Variants in HS6ST3 observed in about 807,000 individuals in gnomAD.
HS6ST3 encodes heparan sulfate 6-O-sulfotransferase 3.
HS6ST3 carries 12 observed loss-of-function variants against 36.7 expected under a neutral mutation model. That is an observed-to-expected ratio of 0.33 (90% confidence interval 0.21 to 0.53). The LOEUF is 0.53. Ranked by LOEUF, HS6ST3 falls within the 20% of genes least tolerant of loss-of-function variation. The probability of loss-of-function intolerance (pLI) is 0.95; values close to 1 mark genes in which losing one functional copy is unlikely to be tolerated. For synonymous variants in HS6ST3, 240 were observed against 257.5 expected (o/e 0.93, Z 0.65); for missense variants, 584 against 640.9 (o/e 0.91, Z 0.96).
chr13:96,808,712 T>C (rs2138533415), intron 1 of HS6ST3, among the ~76,000 whole-genome samples: 1 of 152,266 alleles, frequency 6.6e-6, no homozygotes, highest in South Asian at 2.1e-4. Flanking sequence ...AGTAGGTAAA[T>C]TCTTTGGAAA....
chr13:96,672,645 G>A (rs2056686358), intron 1 of HS6ST3, among the ~76,000 whole-genome samples: 2 of 152,148 alleles, frequency 1.3e-5, no homozygotes, highest in Middle Eastern at 3.4e-3. Context: ...TTTGATGGGG[G>A]CACATACTCC....
Position 96,596,462 on chromosome 13 carries a change from C to A in HS6ST3, c.708-236028C>A, listed in dbSNP as rs1213543603. ...CTTTTTGATATAATGACTTCTTTTT[C>A]TTTAGGTAGATACCCAGTAGTGGGA... On this transcript the variant is annotated intron_variant, in intron 1 of 1. Coordinates refer to ENST00000376705, the MANE Select transcript of HS6ST3 (RefSeq NM_153456.4). Among the ~76,000 whole-genome samples, 8 of 152,118 alleles carry A rather than the reference C, an allele frequency of 5.3e-5. No individual in the cohort carries two copies. The East Asian group carries it at 1.5e-3, about 29-fold the overall frequency.
intron 1 of HS6ST3, among the ~76,000 whole-genome samples, chr13:96,764,147 T>C (rs1877038766): frequency 6.6e-6 from 1 of 152,242 alleles, no homozygotes; most frequent in Non-Finnish European, 1.5e-5. Flanking sequence ...AAATAAAGCC[T>C]TTTCTATTGA....
At chr13:96,668,011 C>G (rs2138429044) in intron 1 of HS6ST3, among the ~76,000 whole-genome samples, 1 of 152,254 alleles carries the variant, frequency 6.6e-6, no homozygotes, top group South Asian at 2.1e-4. Flanking sequence ...TAACATTCAC[C>G]AAGTCCTTAC....
At chr13:96,686,911 A>G (rs1874796131) in intron 1 of HS6ST3, among the ~76,000 whole-genome samples, 1 of 152,044 alleles carries the variant, frequency 6.6e-6, no homozygotes, top group Non-Finnish European at 1.5e-5. Flanking sequence ...TGTGTACTCC[A>G]AAACATGTGA....
At chr13:96,600,054 A>G (rs1289785355) in intron 1 of HS6ST3, among the ~76,000 whole-genome samples, 1 of 151,992 alleles carries the variant, frequency 6.6e-6, no homozygotes, top group African/African-American at 2.4e-5. Context: ...GGCTTATCAT[A>G]TGGTCTATGT....
At chr13:96,816,942 T>C (rs1424181849) in intron 1 of HS6ST3, among the ~76,000 whole-genome samples, 1 of 152,162 alleles carries the variant, frequency 6.6e-6, no homozygotes, top group African/African-American at 2.4e-5. Context: ...TCTGTCCTTA[T>C]TCTGCCCAGG....
chr13:96,239,907 A>G (rs1459304646), intron 1 of HS6ST3, among the ~76,000 whole-genome samples: 1 of 152,150 alleles, frequency 6.6e-6, no homozygotes, highest in East Asian at 1.9e-4. Flanking sequence ...CTTTTTCCTT[A>G]ATAGCATCTT....
At chr13:96,811,734 A>T (rs555796072) in intron 1 of HS6ST3, among the ~76,000 whole-genome samples, 1 of 152,240 alleles carries the variant, frequency 6.6e-6, no homozygotes, top group Non-Finnish European at 1.5e-5. Flanking sequence ...TTAGTCTTTT[A>T]TCACCAAAGG....
intron 1 of HS6ST3, among the ~76,000 whole-genome samples, chr13:96,511,175 G>A (rs572916735): frequency 4.6e-5 from 7 of 152,190 alleles, no homozygotes; most frequent in Admixed American, 2.0e-4. Context: ...ATGGATACCT[G>A]GATTGTATTA....
chr13:96,468,179 A>T (rs368315448), intron 1 of HS6ST3, among the ~76,000 whole-genome samples: 1 of 152,210 alleles, frequency 6.6e-6, no homozygotes, highest in Non-Finnish European at 1.5e-5. Flanking sequence ...ATTGCTGTAC[A>T]TGTTCCCAAA....
chr13:96,376,550 G>A (rs2055315850), intron 1 of HS6ST3, among the ~76,000 whole-genome samples: 1 of 152,164 alleles, frequency 6.6e-6, no homozygotes, highest in African/African-American at 2.4e-5. Context: ...AAGGTTGGTA[G>A]CATGGCAAGA....
chr13:96,371,407 T>G (rs556713595), intron 1 of HS6ST3, among the ~76,000 whole-genome samples: 1 of 152,326 alleles, frequency 6.6e-6, no homozygotes, highest in Non-Finnish European at 1.5e-5. Context: ...GTGACATGAT[T>G]ACCACAATCA....
intron 1 of HS6ST3, among the ~76,000 whole-genome samples, chr13:96,294,942 A>G (rs1209311958): frequency 1.3e-5 from 2 of 152,130 alleles, no homozygotes; most frequent in African/African-American, 2.4e-5. Context: ...CATTGCTATA[A>G]TTCTCTATAA....
chr13:96,341,766 T>G (rs2055131656), intron 1 of HS6ST3, among the ~76,000 whole-genome samples: 1 of 152,200 alleles, frequency 6.6e-6, no homozygotes, highest in Admixed American at 6.5e-5. Flanking sequence ...GTAAAAATTC[T>G]TATGGACTGT....
chr13:96,328,998 G>C (rs1020554562), intron 1 of HS6ST3, among the ~76,000 whole-genome samples: 3 of 151,172 alleles, frequency 2.0e-5, no homozygotes, highest in East Asian at 3.9e-4. Flanking sequence ...TCTGATGGTA[G>C]TTTGTATTTC....
intron 1 of HS6ST3, among the ~76,000 whole-genome samples, chr13:96,615,840 C>CT (rs2056472616): frequency 6.6e-6 from 1 of 152,164 alleles, no homozygotes; most frequent in Non-Finnish European, 1.5e-5. Context: ...ACACTGGTAC[C>CT]TTTTGTTATA....
chr13:96,787,581 G>T (rs963510193), intron 1 of HS6ST3, among the ~76,000 whole-genome samples: 1 of 151,866 alleles, frequency 6.6e-6, no homozygotes, highest in African/African-American at 2.4e-5. Context: ...CTTCTTTACT[G>T]AAATGTCTGT....
chr13:96,440,549 A>G (rs1039023685), intron 1 of HS6ST3, among the ~76,000 whole-genome samples: 2 of 151,720 alleles, frequency 1.3e-5, no homozygotes, highest in African/African-American at 4.9e-5. Context: ...TTAGTTTAAG[A>G]TGGCTTGCAT....
Sources: gnomAD v4.1 joint callset for allele counts (sites outside exome capture counted in the v4.1 genomes callset) on GRCh38, gnomAD v4.1.1 for gene constraint, MANE v1.5 for transcripts, NCBI Gene and HGNC (gene_info 2026-07-23, HGNC 2026-07-21) for gene names.